Variants in PCDH9 observed in about 807,000 individuals in gnomAD.
The protein encoded by PCDH9 is protocadherin 9.
In PCDH9, 24 loss-of-function variants were observed where a neutral mutation model predicts 70.6. The observed-to-expected ratio is 0.34, with a 90% CI of 0.25 to 0.48. The LOEUF is 0.48. PCDH9 is among the 20% of genes least tolerant of loss of function. The probability of loss-of-function intolerance (pLI) is 0.99; values close to 1 mark genes in which losing one functional copy is unlikely to be tolerated. For missense variants in PCDH9, 1,281 were observed against 1,503.6 expected (o/e 0.85, Z 2.45); for synonymous variants, 562 against 558.5 (o/e 1.01, Z -0.09).
At chr13:66,451,868 G>T (rs1958219528) in intron 4 of PCDH9, among the ~76,000 whole-genome samples, 1 of 152,142 alleles carries the variant, frequency 6.6e-6, no homozygotes, top group African/African-American at 2.4e-5. Context: ...GAATGTGTTT[G>T]CATACTATTA....
chr13:66,856,285 C>T (rs1358472349), intron 3 of PCDH9, among the ~76,000 whole-genome samples: 1 of 151,896 alleles, frequency 6.6e-6, no homozygotes, highest in African/African-American at 2.4e-5. Flanking sequence ...AAACACACTG[C>T]ACATCAAGGG....
intron 4 of PCDH9, among the ~76,000 whole-genome samples, chr13:66,429,152 C>T (rs1486506682): frequency 6.6e-6 from 1 of 151,804 alleles, no homozygotes; most frequent in African/African-American, 2.4e-5. Flanking sequence ...GTAAAATTCA[C>T]TCTGATACTG....
At chr13:66,520,870 C>T (rs533458386) in intron 4 of PCDH9, among the ~76,000 whole-genome samples, 21 of 152,202 alleles carry the variant, frequency 1.4e-4, no homozygotes, top group Admixed American at 7.2e-4. Context: ...GAATGAAATG[C>T]TTCATGATTA....
chr13:67,166,257 C>G (rs2088113773), intron 2 of PCDH9, among the ~76,000 whole-genome samples: 3 of 152,130 alleles, frequency 2.0e-5, no homozygotes, highest in Admixed American at 1.3e-4. Flanking sequence ...TCTTTCTTTT[C>G]AATTAGATAT....
chr13:67,101,532 T>C (rs1207239282), intron 2 of PCDH9, among the ~76,000 whole-genome samples: 1 of 152,230 alleles, frequency 6.6e-6, no homozygotes, highest in Non-Finnish European at 1.5e-5. Flanking sequence ...TATGTGTGTG[T>C]GTATCTTTGT....
chr13:66,466,025 T>TA (rs1212285756), intron 4 of PCDH9, among the ~76,000 whole-genome samples: 2 of 152,042 alleles, frequency 1.3e-5, no homozygotes, highest in Admixed American at 6.6e-5. Context: ...ATTCTCACAA[T>TA]AAAAAATATA....
intron 4 of PCDH9, among the ~76,000 whole-genome samples, chr13:66,502,946 T>C (rs1959184529): frequency 6.6e-6 from 1 of 152,206 alleles, no homozygotes; most frequent in Admixed American, 6.5e-5. Flanking sequence ...TGGGTACTTG[T>C]GCTAGTTGCT....
At chr13:67,193,539 C>T (rs2088977801) in intron 2 of PCDH9, among the ~76,000 whole-genome samples, 1 of 152,068 alleles carries the variant, frequency 6.6e-6, no homozygotes, top group Admixed American at 6.5e-5. Context: ...AAAGAAAGAA[C>T]ATGAATTTCA....
chr13:67,090,297 C>G (rs1218204161), intron 2 of PCDH9, among the ~76,000 whole-genome samples: 2 of 151,906 alleles, frequency 1.3e-5, no homozygotes, highest in Non-Finnish European at 2.9e-5. Context: ...TCATACTCAG[C>G]ATTTCTAAAA....
intron 4 of PCDH9, among the ~76,000 whole-genome samples, chr13:66,406,872 G>A (rs1957289415): frequency 6.6e-6 from 1 of 152,088 alleles, no homozygotes; most frequent in South Asian, 2.1e-4. Flanking sequence ...GTTTTCATCT[G>A]ATATCATCAA....
chr13:66,911,131 T>C (rs1003864749), intron 2 of PCDH9, among the ~76,000 whole-genome samples: 15 of 152,166 alleles, frequency 9.9e-5, no homozygotes, highest in African/African-American at 3.1e-4. Flanking sequence ...TATAGAAATT[T>C]TGGTAATGCA....
At chr13:67,035,448 A>G (rs892572881) in intron 2 of PCDH9, among the ~76,000 whole-genome samples, 1 of 152,038 alleles carries the variant, frequency 6.6e-6, no homozygotes, top group Non-Finnish European at 1.5e-5. Context: ...GTGAACACTT[A>G]CAGCTGTTCA....
intron 3 of PCDH9, among the ~76,000 whole-genome samples, chr13:66,879,279 AG>A (rs2081879085): frequency 1.3e-5 from 2 of 152,186 alleles, no homozygotes; most frequent in African/African-American, 4.8e-5. Context: ...GGCATTCTCT[AG>A]GGTGGCAGAA....
chr13:66,936,541 T>A (rs2082919002), intron 2 of PCDH9, among the ~76,000 whole-genome samples: 1 of 152,164 alleles, frequency 6.6e-6, no homozygotes, highest in Non-Finnish European at 1.5e-5. Flanking sequence ...CAGACAACAG[T>A]ATAAATGATA....
chr13:67,175,945 T>TC (rs1566475417), intron 2 of PCDH9, among the ~76,000 whole-genome samples: 2 of 138,854 alleles, frequency 1.4e-5, no homozygotes, highest in Non-Finnish European at 3.3e-5. Context: ...AAGTAAACCA[T>TC]TAAAAAAAAA....
intron 2 of PCDH9, among the ~76,000 whole-genome samples, chr13:67,021,412 T>C (rs557037742): frequency 6.6e-6 from 1 of 152,312 alleles, no homozygotes; most frequent in South Asian, 2.1e-4. Flanking sequence ...ATGACAAGTA[T>C]TATAGCTTTA....
chr13:67,059,943 A>G (rs260131), intron 2 of PCDH9, among the ~76,000 whole-genome samples: 132,687 of 149,048 alleles, frequency 0.89, 59,154 homozygotes, highest in East Asian at 0.98. Flanking sequence ...AAAGTTTAAC[A>G]AACATGTTTG....
At chr13:66,327,809 T>C (rs1049542501) in intron 4 of PCDH9, among the ~76,000 whole-genome samples, 1 of 152,202 alleles carries the variant, frequency 6.6e-6, no homozygotes, top group Admixed American at 6.5e-5. Context: ...ATAATCATTA[T>C]AAAGTAAAAT....
intron 3 of PCDH9, among the ~76,000 whole-genome samples, chr13:66,891,503 GA>G (rs1594214808): frequency 6.6e-6 from 1 of 152,028 alleles, no homozygotes; most frequent in East Asian, 1.9e-4. Flanking sequence ...AAGATTTGCT[GA>G]AATTGTATCC....
Sources: allele counts gnomAD v4.1 joint callset (sites outside exome capture counted in the v4.1 genomes callset), GRCh38; gene constraint gnomAD v4.1.1; transcripts MANE v1.5; gene names NCBI Gene and HGNC (gene_info 2026-07-23, HGNC 2026-07-21).